Variants in ATP6V0A1 observed in about 807,000 individuals in gnomAD.
ATP6V0A1 encodes V-type proton ATPase 116 kDa subunit a 1.
Under a neutral mutation model 105.4 loss-of-function variants are expected in ATP6V0A1, and 43 were observed. The observed-to-expected ratio is 0.41, with a 90% CI of 0.32 to 0.53. The LOEUF is 0.53. ATP6V0A1 is among the 20% of genes least tolerant of loss of function. ATP6V0A1 has a pLI of 0.30. For synonymous variants in ATP6V0A1, 362 were observed against 372.8 expected (o/e 0.97, Z 0.33); for missense variants, 676 against 1,051.1 (o/e 0.64, Z 4.93).
At chr17:42,492,451 A>G (rs1356221810) in intron 11 of ATP6V0A1, among the ~76,000 whole-genome samples, 1 of 151,338 alleles carries the variant, frequency 6.6e-6, no homozygotes, top group African/African-American at 2.4e-5. Context: ...TCACGCCTGT[A>G]ATCCCAGCAC....
At chr17:42,503,308 T>G (rs2091818660) in intron 17 of ATP6V0A1, among the ~76,000 whole-genome samples, 1 of 152,238 alleles carries the variant, frequency 6.6e-6, no homozygotes, top group Non-Finnish European at 1.5e-5. Flanking sequence ...TGCTTGGACA[T>G]TTGATCTTTT....
intron 5 of ATP6V0A1, chr17:42,470,614 A>G (rs1037473813): frequency 5.9e-6 from 1 of 170,084 alleles, no homozygotes; most frequent in East Asian, 1.6e-4. Context: ...TTTGTCATCA[A>G]ATTTTTATTT....
chr17:42,509,406 T>A (rs2092231089), intron 19 of ATP6V0A1, among the ~76,000 whole-genome samples: 1 of 152,172 alleles, frequency 6.6e-6, no homozygotes, highest in South Asian at 2.1e-4. Context: ...CTAAAATGCC[T>A]AGACCCACAA....
At chr17:42,474,775 G>A (rs1193334624) in intron 5 of ATP6V0A1, among the ~76,000 whole-genome samples, 1 of 152,216 alleles carries the variant, frequency 6.6e-6, no homozygotes, top group Non-Finnish European at 1.5e-5. Context: ...ACAGTAATGA[G>A]TTAGCAGAAA....
At chr17:42,484,339 G>C (rs769400135) in intron 9 of ATP6V0A1, among the ~76,000 whole-genome samples, 3 of 152,168 alleles carry the variant, frequency 2.0e-5, no homozygotes, top group Non-Finnish European at 4.4e-5. Context: ...TTATAGGTGT[G>C]AGCCACCGCG....
Position 42,466,434 on chromosome 17 carries a change from T to C in ATP6V0A1, c.123T>C (p.Asn41=). The C allele has an allele frequency of 6.2e-7, 1 of 1,611,368 alleles. No individual in the cohort carries two copies. The highest frequency in any genetic ancestry group is 8.5e-7 in the Non-Finnish European group (1 of 1,177,580). ...ATTGTGTTTTTATTTTTCAGTTAAA[T>C]CCAGATGTGAATGTTTTCCAACGGA... is the stretch of plus-strand genomic sequence containing the variant. ...ELGKVQFRDL[N]PDVNVFQRKF... The change falls in exon 3 of 22, where the codon AAT becomes AAC. Residue 41 remains asparagine (N), a synonymous_variant. Coordinates refer to ENST00000343619, the MANE Select transcript of ATP6V0A1 (RefSeq NM_001130021.3).
chr17:42,502,221 A>G (rs1046193234), intron 17 of ATP6V0A1, among the ~76,000 whole-genome samples: 6 of 152,184 alleles, frequency 3.9e-5, no homozygotes, highest in African/African-American at 1.4e-4. Context: ...CGCTCAGGAA[A>G]ATGTAGGCCT....
rs563962953 is a variant in ATP6V0A1, at chr17:42,494,843, A to G, written c.1315-191A>G. 3.1e-4 allele frequency: 185 copies of G among 591,722 alleles called. 1 individual carries two copies. In the South Asian group the frequency reaches 6.6e-3, roughly 21 times the overall value. The allele number at this position is 591,722 out of a possible 1,614,324, so 36.7% of individuals were successfully genotyped here. A position where few individuals can be genotyped will look rare whatever the true frequency, so the allele number is the denominator to read the frequency against. ...CAGTAACTTTTGTGCCAACCTAATA[A>G]AAAAATAGAGGCCACATCCTGTGAA... On this transcript the variant is annotated intron_variant, in intron 12 of 21. Coordinates refer to ENST00000343619, the MANE Select transcript of ATP6V0A1 (RefSeq NM_001130021.3).
intron 19 of ATP6V0A1, among the ~76,000 whole-genome samples, chr17:42,512,445 G>A (rs898784210): frequency 1.3e-5 from 2 of 152,202 alleles, no homozygotes; most frequent in East Asian, 3.8e-4. Flanking sequence ...GGGCCCTGGG[G>A]CGGCAGCCAG....
At chr17:42,488,229 G>A (rs539347718) in intron 10 of ATP6V0A1, among the ~76,000 whole-genome samples, 2 of 152,336 alleles carry the variant, frequency 1.3e-5, no homozygotes, top group East Asian at 3.9e-4. Context: ...ACTGCTGAAT[G>A]AAGAGAAGAA....
In ATP6V0A1 at chr17:42,490,569, A is replaced by G; in HGVS notation, c.1106A>G (p.Lys369Arg). The change falls in exon 11 of 22, where the codon AAG (lysine) becomes AGG (arginine). Residue 369 changes from lysine to arginine, a missense_variant. By Grantham distance (26) the Lys-to-Arg change is conservative. Around this residue, in one of 3 missense-constraint regions of ATP6V0A1, gnomAD observed 435 missense variants for 642.2 expected, o/e 0.68. Coordinates refer to ENST00000343619, the MANE Select transcript of ATP6V0A1 (RefSeq NM_001130021.3). ...QTPPTYNKTN[K>R]FTYGFQNIVD... Reference sequence around the variant, plus strand: ...CCCCCAACCTATAACAAAACCAACAAGTTTACCTATGGCTTTCAGAACATA... The same window carrying G: ...CCCCCAACCTATAACAAAACCAACAGGTTTACCTATGGCTTTCAGAACATA... The G allele has an allele frequency of 6.2e-7, 1 of 1,613,786 alleles. No homozygotes were observed. Among genetic ancestry groups the G allele is most frequent in the South Asian group, 1.1e-5 (1 of 91,014 alleles).
intron 19 of ATP6V0A1, 75 bp downstream of exon 19, chr17:42,508,664 C>T: frequency 6.3e-7 from 1 of 1,586,460 alleles, no homozygotes; most frequent in Non-Finnish European, 8.7e-7. Context: ...ACTCTGCTGA[C>T]CCTGCCACAC....
intron 16 of ATP6V0A1, 85 bp downstream of exon 16, chr17:42,501,008 A>T: frequency 7.1e-7 from 1 of 1,416,676 alleles, no homozygotes; most frequent in Non-Finnish European, 9.9e-7. Context: ...AAAATTTATA[A>T]CTGCCCTTCT....
At chr17:42,477,335 A>G (rs1371938527) in intron 5 of ATP6V0A1, among the ~76,000 whole-genome samples, 1 of 152,194 alleles carries the variant, frequency 6.6e-6, no homozygotes, top group African/African-American at 2.4e-5. Flanking sequence ...AACGTAGGAG[A>G]GAAAATGGCT....
chr17:42,471,936 C>T (rs942014166), intron 5 of ATP6V0A1, among the ~76,000 whole-genome samples: 11 of 151,988 alleles, frequency 7.2e-5, no homozygotes, highest in African/African-American at 2.7e-4. Flanking sequence ...ACCAGATTGA[C>T]AATATTAGAC....
chr17:42,482,895 C>CAAAA (rs71359573), intron 8 of ATP6V0A1, 143 bp from the exon 9 acceptor site: 31 of 148,338 alleles, frequency 2.1e-4, no homozygotes, highest in Non-Finnish European at 2.2e-4. Context: ...AACTCTGTCT[C>CAAAA]AAAAAAAAAA....
intron 19 of ATP6V0A1, 89 bp downstream of exon 19, chr17:42,508,678 G>GTGGCA: frequency 6.4e-7 from 1 of 1,560,830 alleles, no homozygotes; most frequent in Non-Finnish European, 8.8e-7. Flanking sequence ...GCCACACCCT[G>GTGGCA]GGGCCATACA....
rs140036720 is a variant in ATP6V0A1, at chr17:42,521,042, T to A, written c.2436T>A (p.Asn812Lys). 1 of 1,603,540 alleles carries A rather than the reference T, an allele frequency of 6.2e-7. No homozygotes were observed. The highest frequency in any genetic ancestry group is 1.1e-5 in the South Asian group (1 of 89,428). ...ALRLHWVEFQ[N>K]KFYSGTGFKF... ...CTTTCTCCAGGGTTGAGTTCCAGAATAAATTCTACAGCGGGACCGGTTTCA... is the reference window on the plus strand; with the variant it reads ...CTTTCTCCAGGGTTGAGTTCCAGAAAAAATTCTACAGCGGGACCGGTTTCA... The change falls in exon 22 of 22, where the codon AAT becomes AAA. Residue 812 changes from asparagine (N) to lysine (K), a missense_variant. Asn to Lys is a moderately conservative substitution (Grantham distance 94, BLOSUM62 0). Around this residue, in one of 3 missense-constraint regions of ATP6V0A1, gnomAD observed 435 missense variants for 642.2 expected, o/e 0.68. Coordinates refer to ENST00000343619, the MANE Select transcript of ATP6V0A1 (RefSeq NM_001130021.3). The surrounding 1 kb of genome is among the most constrained non-coding windows in gnomAD (Gnocchi z 4.8).
At position 42,478,553 on chromosome 17, in the gene ATP6V0A1, G is replaced by C; in HGVS notation, c.597G>C (p.Gln199His). The C allele has an allele frequency of 1.2e-6, 2 of 1,604,014 alleles. No homozygotes were observed. The highest frequency in any genetic ancestry group is 8.5e-7 in the Non-Finnish European group (1 of 1,173,930). Reference protein sequence around the residue: ...RVCRGNVFLRQAEIENPLEDP... With the variant: ...RVCRGNVFLRHAEIENPLEDP... ...GCCGGGGAAATGTGTTCCTGCGACA[G>C]GCTGAAATCGAGAACCCCCTGGAGG... Residue 199 changes from glutamine to histidine, a missense_variant, in exon 7 of 22, where the codon CAG (glutamine) becomes CAC (histidine). By Grantham distance (24) the Gln-to-His change is conservative. This residue lies in a region of ATP6V0A1 where 239 missense variants were observed against 388.4 expected (regional missense o/e 0.62). Coordinates refer to ENST00000343619, the MANE Select transcript of ATP6V0A1 (RefSeq NM_001130021.3).
Sources: gnomAD v4.1 joint callset for allele counts (sites outside exome capture counted in the v4.1 genomes callset) on GRCh38, gnomAD v4.1.1 for gene constraint, gnomAD v4.1.1 regional missense constraint, Gnocchi (gnomAD v3.1) non-coding constraint, MANE v1.5 for transcripts, NCBI Gene and HGNC (gene_info 2026-07-23, HGNC 2026-07-21) for gene names.